The following SPATA17 variants were observed in gnomAD, a reference collection of about 807,000 sequenced individuals.
The protein encoded by SPATA17 is spermatogenesis-associated protein 17.
SPATA17 carries 53 observed loss-of-function variants against 62.2 expected under a neutral mutation model. The observed-to-expected ratio is 0.85, with a 90% confidence interval of 0.68 to 1.07. SPATA17 has a LOEUF of 1.07. Ranked by LOEUF, SPATA17 falls within the 50% of genes least tolerant of loss-of-function variation. SPATA17 has a pLI of 0.00. For missense variants in SPATA17, 466 were observed against 425.5 expected (o/e 1.10, Z -0.84); for synonymous variants, 146 against 146.8 (o/e 0.99, Z 0.04).
chr1:217,817,654 C>T (rs891035475), intron 9 of SPATA17, among the ~76,000 whole-genome samples: 2 of 151,986 alleles, frequency 1.3e-5, no homozygotes, highest in African/African-American at 2.4e-5. Context: ...TCAATTTTAC[C>T]CTCAACATGT....
chr1:217,744,839 G>A (rs953677942), intron 6 of SPATA17, among the ~76,000 whole-genome samples: 10 of 152,132 alleles, frequency 6.6e-5, no homozygotes, highest in Admixed American at 4.6e-4. Context: ...CTCTGCTTCC[G>A]TCTGCATTTG....
chr1:217,688,689 T>C (rs1671281129), intron 5 of SPATA17, among the ~76,000 whole-genome samples: 1 of 152,212 alleles, frequency 6.6e-6, no homozygotes. Flanking sequence ...CATCATTCTT[T>C]ATGTTGCTGC....
At position 217,710,235 on chromosome 1, in the gene SPATA17, G is replaced by A. The variant is rs555082061; in HGVS notation, c.395+26874G>A. ...TTGATTAATTTAAGGCTGAGTTTGC[G>A]CTTGGTAGACATGTTCTTTTGTAAC... On this transcript the variant is annotated intron_variant, in intron 5 of 10. Transcript: ENST00000366933. Among the ~76,000 whole-genome samples, 22 of 152,214 alleles carry A rather than the reference G, an allele frequency of 1.4e-4. No individual in the cohort carries two copies. In the South Asian group the frequency reaches 2.3e-3, roughly 16 times the overall value.
At chr1:217,771,528 A>G (rs1673444745) in intron 6 of SPATA17, among the ~76,000 whole-genome samples, 2 of 152,170 alleles carry the variant, frequency 1.3e-5, no homozygotes, top group African/African-American at 4.8e-5. Context: ...TAATAAGTAA[A>G]TGAATACTGC....
chr1:217,725,468 T>G (rs1672238842), intron 5 of SPATA17, among the ~76,000 whole-genome samples: 1 of 152,204 alleles, frequency 6.6e-6, no homozygotes, highest in South Asian at 2.1e-4. Flanking sequence ...TTTAATTAAT[T>G]TATTTATTTT....
At chr1:217,861,213 T>C (rs1675891085) in intron 9 of SPATA17, among the ~76,000 whole-genome samples, 1 of 151,996 alleles carries the variant, frequency 6.6e-6, no homozygotes. Context: ...TGTTATCTTT[T>C]AGGTCAACTA....
At chr1:217,858,908 A>G (rs951916917) in intron 9 of SPATA17, among the ~76,000 whole-genome samples, 1 of 151,714 alleles carries the variant, frequency 6.6e-6, no homozygotes, top group Non-Finnish European at 1.5e-5. Context: ...TGTGCCTGTA[A>G]TCCCAGCCTC....
At chr1:217,796,894 T>C (rs1330558086) in intron 8 of SPATA17, among the ~76,000 whole-genome samples, 1 of 152,246 alleles carries the variant, frequency 6.6e-6, no homozygotes, top group Non-Finnish European at 1.5e-5. Flanking sequence ...CTGTTATTTA[T>C]TTGCTGACCT....
intron 1 of SPATA17, among the ~76,000 whole-genome samples, chr1:217,635,854 G>A (rs1035920182): frequency 1.3e-5 from 2 of 151,970 alleles, no homozygotes; most frequent in African/African-American, 2.4e-5. Flanking sequence ...GTGGACTGAC[G>A]CCGGGAGCAG....
At chr1:217,645,547 A>G (rs910240732) in intron 1 of SPATA17, among the ~76,000 whole-genome samples, 3 of 152,196 alleles carry the variant, frequency 2.0e-5, no homozygotes, top group Non-Finnish European at 4.4e-5. Context: ...TGAAAAACAA[A>G]TCTGGTATAG....
At chr1:217,791,074 A>G (rs1435882019) in intron 8 of SPATA17, among the ~76,000 whole-genome samples, 3 of 152,202 alleles carry the variant, frequency 2.0e-5, no homozygotes, top group Non-Finnish European at 4.4e-5. Context: ...TTTTATTTGT[A>G]ACTCTTCCAT....
chr1:217,804,354 C>A (rs893734646), intron 9 of SPATA17, among the ~76,000 whole-genome samples: 2 of 152,144 alleles, frequency 1.3e-5, no homozygotes, highest in Non-Finnish European at 2.9e-5. Context: ...ATATCCACTG[C>A]AGAAGAATGA....
In SPATA17 at chr1:217,801,837, G is replaced by A. The variant is rs1306046989; in HGVS notation, c.992G>A (p.Trp331Ter). ...EQFRSENPKK[W>*]ICDKDFQTVL... ...TTCCGAAGTGAAAATCCTAAGAAAT[G>A]GATCTGTGACAAGGTGAGTTAACAA... The change falls in exon 9 of 11, where the codon TGG (tryptophan) becomes TAG (stop). Residue 331 changes from tryptophan (W) to a stop codon, truncating the protein, a stop_gained. Transcript: ENST00000366933. LOFTEE classifies it high-confidence loss of function. The A allele has an allele frequency of 1.2e-6, 2 of 1,606,634 alleles. No homozygotes were observed. Among genetic ancestry groups the A allele is most frequent in the Non-Finnish European group, 1.7e-6 (2 of 1,177,786 alleles).
chr1:217,664,484 G>A (rs774911427), intron 3 of SPATA17, among the ~76,000 whole-genome samples: 3 of 151,618 alleles, frequency 2.0e-5, no homozygotes, highest in African/African-American at 4.8e-5. Flanking sequence ...TAGTAGAGAC[G>A]GGGTTTCACC....
chr1:217,672,605 T>C lies in SPATA17; in HGVS notation c.291+3522T>C, dbSNP rs1028636016. Reference sequence around the variant, plus strand: ...TACAAATTTATTTATAGCCTATCCATCCCTAAATAGATATCAGTCTTTTGT... The same window carrying C: ...TACAAATTTATTTATAGCCTATCCACCCCTAAATAGATATCAGTCTTTTGT... On this transcript the variant is annotated intron_variant, in intron 4 of 10. Coordinates refer to ENST00000366933, the MANE Select transcript of SPATA17 (RefSeq NM_138796.4). Among the ~76,000 whole-genome samples, 37 of 151,864 alleles carry C rather than the reference T, an allele frequency of 2.4e-4. 1 individual carries two copies. The highest frequency in any genetic ancestry group is 8.0e-4 in the African/African-American group (33 of 41,172).
chr1:217,822,683 G>T (rs1674896723), intron 9 of SPATA17, among the ~76,000 whole-genome samples: 1 of 147,714 alleles, frequency 6.8e-6, no homozygotes, highest in South Asian at 2.1e-4. Flanking sequence ...TCATTTCTTT[G>T]TCTCTTTTTG....
chr1:217,633,321 C>A (rs985925204), intron 1 of SPATA17, among the ~76,000 whole-genome samples: 2 of 152,104 alleles, frequency 1.3e-5, no homozygotes, highest in African/African-American at 4.8e-5. Flanking sequence ...GCACCAGGAA[C>A]AACTACATAT....
At chr1:217,786,792 C>CTTCTTCTTCTTCTTCTTT (rs1313865040) in intron 8 of SPATA17, among the ~76,000 whole-genome samples, 2 of 150,806 alleles carry the variant, frequency 1.3e-5, no homozygotes, top group Non-Finnish European at 3.0e-5. Context: ...TCTTCTTCTT[C>CTTCTTCTTCTTCTTCTTT]TTCTTCTTCT....
At position 217,674,802 on chromosome 1, in the gene SPATA17, G is replaced by A. The variant is rs544831160; in HGVS notation, c.291+5719G>A. On this transcript the variant is annotated intron_variant, in intron 4 of 10. Coordinates refer to ENST00000366933, the MANE Select transcript of SPATA17 (RefSeq NM_138796.4). ...TGGCCCCACCATTGCTTCCTATGAT[G>A]TGGAGCAGATGCCTGAAAGTGGTCT... Among the ~76,000 whole-genome samples the A allele has an allele frequency of 2.0e-5, 3 of 152,346 alleles. No individual in the cohort carries two copies. In the East Asian group the frequency reaches 5.8e-4, roughly 29 times the overall value.
Sources: allele counts gnomAD v4.1 joint callset (sites outside exome capture counted in the v4.1 genomes callset), GRCh38; gene constraint gnomAD v4.1.1; transcripts MANE v1.5; gene names NCBI Gene and HGNC (gene_info 2026-07-23, HGNC 2026-07-21).